The following DAPK1 variants were observed in gnomAD, a reference collection of about 807,000 sequenced individuals.
DAPK1 encodes the protein death-associated protein kinase 1.
Under a neutral mutation model 144.9 loss-of-function variants are expected in DAPK1, and 56 were observed. The ratio of observed to expected loss-of-function variants is 0.39; its 90% CI spans 0.31 to 0.48. The LOEUF is 0.48. Ranked by LOEUF, DAPK1 falls within the 20% of genes least tolerant of loss-of-function variation. The pLI is 0.95. For synonymous variants in DAPK1, 690 were observed against 749.0 expected (o/e 0.92, Z 1.29); for missense variants, 1,454 against 1,875.4 (o/e 0.78, Z 4.15).
chr9:87,671,562 A>G (rs957950670), intron 19 of DAPK1, among the ~76,000 whole-genome samples: 1 of 151,242 alleles, frequency 6.6e-6, no homozygotes, highest in African/African-American at 2.4e-5. Flanking sequence ...GTGCAGTGGC[A>G]TAGTCAGGGC....
At chr9:87,631,990 AGATGAGTATATATGTAGAGATGAAGGAG>A (rs1468404712) in intron 3 of DAPK1, 1 of 714,942 alleles carries the variant, frequency 1.4e-6, no homozygotes, top group African/African-American at 1.8e-5. Flanking sequence ...AAATAAAGGA[AGATGAGTATATATGTAGAGATGAAGGAG>A]GATGAGTATA....
At chr9:87,627,278 GC>G (rs1829525125) in intron 3 of DAPK1, among the ~76,000 whole-genome samples, 2 of 152,142 alleles carry the variant, frequency 1.3e-5, no homozygotes, top group African/African-American at 4.8e-5. Flanking sequence ...CTTGACCCTT[GC>G]CTAAGCAGGA....
At chr9:87,559,232 G>C (rs1236436352) in intron 2 of DAPK1, among the ~76,000 whole-genome samples, 1 of 152,062 alleles carries the variant, frequency 6.6e-6, no homozygotes, top group African/African-American at 2.4e-5. Context: ...GTCATCTCTA[G>C]TACTCTAGAG....
At chr9:87,595,922 G>T (rs1339872199) in intron 2 of DAPK1, among the ~76,000 whole-genome samples, 1 of 151,836 alleles carries the variant, frequency 6.6e-6, no homozygotes, top group Non-Finnish European at 1.5e-5. Flanking sequence ...CCGAGCCCTT[G>T]TATTAGTTTA....
At chr9:87,680,636 G>A (rs1275829861) in intron 19 of DAPK1, among the ~76,000 whole-genome samples, 2 of 138,370 alleles carry the variant, frequency 1.4e-5, no homozygotes, top group African/African-American at 2.5e-5. Context: ...AAGTGTGGGG[G>A]TCACACACAC....
chr9:87,647,423 G>C lies in DAPK1; in HGVS notation c.1329+20G>C. Reference sequence around the variant, plus strand: ...GACAAGGTAAGGCCACTTCTCTTAGGAGGAACATGAGGTGGTAGTAAATGG... The same window carrying C: ...GACAAGGTAAGGCCACTTCTCTTAGCAGGAACATGAGGTGGTAGTAAATGG... On this transcript the variant is annotated intron_variant, in intron 14 of 25. Transcript: ENST00000408954. The C allele has an allele frequency of 6.3e-7, 1 of 1,596,564 alleles. No individual in the cohort carries two copies. The highest frequency in any genetic ancestry group is 8.6e-7 in the Non-Finnish European group (1 of 1,164,206).
Position 87,707,786 on chromosome 9 carries a change from C to T in DAPK1, c.*422C>T, listed in dbSNP as rs952608319. 108 of 455,418 alleles carry T rather than the reference C, an allele frequency of 2.4e-4. No homozygotes were observed. The highest frequency in any genetic ancestry group is 1.5e-3 in the African/African-American group (77 of 50,044). 28.2% of individuals were successfully genotyped at this position (455,418 alleles called of 1,614,324 possible). On this transcript the variant is annotated 3_prime_UTR_variant, in exon 26 of 26. Coordinates refer to ENST00000408954, the MANE Select transcript of DAPK1 (RefSeq NM_004938.4). The surrounding 1 kb of genome is among the most constrained non-coding windows in gnomAD (Gnocchi z 4.0). ...TTATCCAAAATGTGTATTTCTTATA[C>T]GCTTTTCTTTGTTATACCATTTCCT...
chr9:87,539,405 C>A (rs1825962771), intron 2 of DAPK1, among the ~76,000 whole-genome samples: 1 of 146,346 alleles, frequency 6.8e-6, no homozygotes. Context: ...CAGAAATACA[C>A]AATTTATAAG....
chr9:87,639,932 A>G (rs947997770), intron 7 of DAPK1, 117 bp downstream of exon 7: 6 of 1,127,852 alleles, frequency 5.3e-6, no homozygotes, highest in Non-Finnish European at 7.7e-6. Flanking sequence ...TGATGCAAAC[A>G]TATTCATTTT....
rs539585868 is a variant in DAPK1, at chr9:87,703,080, T to C, written c.2923T>C (p.Ser975Pro). 5 of 1,601,222 alleles carry C rather than the reference T, an allele frequency of 3.1e-6. No individual in the cohort carries two copies. The Admixed American group carries it at 5.0e-5, about 16-fold the overall frequency. ...LCEKIISTLP[S>P]WRKLNGPNQL... ...TGAGAAAATCATCTCCACGCTGCCTTCCTGGAGGAAGCTCAATGGACCCAA... is the reference window on the plus strand; with the variant it reads ...TGAGAAAATCATCTCCACGCTGCCTCCCTGGAGGAAGCTCAATGGACCCAA... The change falls in exon 25 of 26, where the codon TCC becomes CCC. Residue 975 changes from serine (S) to proline (P), a missense_variant. Around this residue, in one of 2 missense-constraint regions of DAPK1, gnomAD observed 1,025 missense variants for 1,237.9 expected, o/e 0.83. Coordinates refer to ENST00000408954, the MANE Select transcript of DAPK1 (RefSeq NM_004938.4).
At chr9:87,691,913 C>G (rs1825067995) in intron 21 of DAPK1, among the ~76,000 whole-genome samples, 1 of 151,970 alleles carries the variant, frequency 6.6e-6, no homozygotes, top group African/African-American at 2.4e-5. Flanking sequence ...TATGTTCTAT[C>G]CTGGAGAATG....
intron 23 of DAPK1, 59 bp downstream of exon 23, chr9:87,698,853 A>C: frequency 9.3e-7 from 1 of 1,069,644 alleles, no homozygotes; most frequent in Non-Finnish European, 1.4e-6. Flanking sequence ...TGAGAACTGA[A>C]GCAGAGGTGT....
At chr9:87,606,707 CT>C (rs1399671143) in intron 3 of DAPK1, among the ~76,000 whole-genome samples, 72 of 123,690 alleles carry the variant, frequency 5.8e-4, no homozygotes, top group Middle Eastern at 5.1e-3. Context: ...TCCTTCCTTC[CT>C]TCCTCCCTCT....
At chr9:87,646,139 A>G in intron 12 of DAPK1, 125 bp downstream of exon 12, 3 of 1,187,782 alleles carry the variant, frequency 2.5e-6, no homozygotes, top group Non-Finnish European at 3.5e-6. Flanking sequence ...TACTGTGGGG[A>G]AAATCACTTC....
At position 87,704,216 on chromosome 9, in the gene DAPK1, G is replaced by A. The variant is rs999190372; in HGVS notation, c.3060+999G>A. 2.6e-5 allele frequency among the ~76,000 whole-genome samples: 4 copies of A among 152,266 alleles called. No homozygotes were observed. The East Asian group carries it at 7.7e-4, about 29-fold the overall frequency. On this transcript the variant is annotated intron_variant, in intron 25 of 25. Coordinates refer to ENST00000408954, the MANE Select transcript of DAPK1 (RefSeq NM_004938.4). ...TGATTGAATCCAAGGAAGAACACAG[G>A]TGAAGGACCACATCTTAGATGACAA...
At chr9:87,537,552 G>A (rs1825901221) in intron 2 of DAPK1, among the ~76,000 whole-genome samples, 2 of 152,092 alleles carry the variant, frequency 1.3e-5, no homozygotes, top group Admixed American at 6.6e-5. Context: ...GTGGAATATG[G>A]TGTGCATGTC....
intron 21 of DAPK1, among the ~76,000 whole-genome samples, chr9:87,694,821 A>G (rs1468404061): frequency 6.6e-6 from 1 of 152,154 alleles, no homozygotes; most frequent in East Asian, 1.9e-4. Context: ...GATGCAGTCT[A>G]CGGGTGTTTG....
intron 12 of DAPK1, among the ~76,000 whole-genome samples, 175 bp from the exon 13 acceptor site, chr9:87,646,286 C>T (rs1587806229): frequency 1.3e-5 from 2 of 152,284 alleles, no homozygotes; most frequent in East Asian, 1.9e-4. Context: ...TGATGAGAAT[C>T]CAAAAGGGGA....
chr9:87,617,785 G>A (rs139415891), intron 3 of DAPK1, among the ~76,000 whole-genome samples: 2 of 152,168 alleles, frequency 1.3e-5, no homozygotes, highest in East Asian at 1.9e-4. Context: ...GTCTCCCCAG[G>A]TACCTCAACT....
Sources: gnomAD v4.1 joint callset for allele counts (sites outside exome capture counted in the v4.1 genomes callset) on GRCh38, gnomAD v4.1.1 for gene constraint, gnomAD v4.1.1 regional missense constraint, Gnocchi (gnomAD v3.1) non-coding constraint, MANE v1.5 for transcripts, NCBI Gene and HGNC (gene_info 2026-07-23, HGNC 2026-07-21) for gene names.